Variants in RUNDC3B observed in about 807,000 individuals in gnomAD.
The protein encoded by RUNDC3B is RUN domain-containing protein 3B.
A neutral mutation model predicts 58.4 loss-of-function variants in RUNDC3B; 33 were observed. The observed-to-expected ratio is 0.56, with a 90% CI of 0.43 to 0.75. RUNDC3B has a LOEUF of 0.75. RUNDC3B is among the 30% of genes least tolerant of loss of function. The pLI is 0.00. For missense variants in RUNDC3B, 501 were observed against 535.7 expected, an observed-to-expected ratio of 0.94 and a Z score of 0.64; for synonymous variants, 193 against 195.2, an observed-to-expected ratio of 0.99 and a Z score of 0.10.
chr7:87,751,670 G>A (rs571156346), intron 6 of RUNDC3B, among the ~76,000 whole-genome samples: 2 of 151,592 alleles, frequency 1.3e-5, no homozygotes, highest in African/African-American at 4.9e-5. Context: ...CTCATGATTT[G>A]GCTCTCTGTT....
At chr7:87,702,003 C>T (rs919988345) in intron 3 of RUNDC3B, among the ~76,000 whole-genome samples, 1 of 151,490 alleles carries the variant, frequency 6.6e-6, no homozygotes, top group Non-Finnish European at 1.5e-5. Context: ...ATTAGCCAGG[C>T]GTGGTGGTGG....
chr7:87,653,412 C>T (rs1372385177), intron 2 of RUNDC3B, among the ~76,000 whole-genome samples: 1 of 152,038 alleles, frequency 6.6e-6, no homozygotes, highest in Non-Finnish European at 1.5e-5. Flanking sequence ...TACATAGTAC[C>T]ACTTCAGCTA....
chr7:87,778,825 G>A (rs973389286), intron 8 of RUNDC3B, among the ~76,000 whole-genome samples: 3 of 151,946 alleles, frequency 2.0e-5, no homozygotes, highest in Non-Finnish European at 4.4e-5. Context: ...GGCTTGCTGT[G>A]TTCAATTTTT....
intron 3 of RUNDC3B, among the ~76,000 whole-genome samples, chr7:87,700,877 TA>T (rs1427781946): frequency 6.6e-6 from 1 of 152,246 alleles, no homozygotes; most frequent in Non-Finnish European, 1.5e-5. Context: ...CAATGGTGGA[TA>T]AAACTGTTGG....
At position 87,728,542 on chromosome 7, in the gene RUNDC3B, G is replaced by A. The variant is rs545754355; in HGVS notation, c.459-11249G>A. On this transcript the variant is annotated intron_variant, in intron 4 of 10. Coordinates refer to ENST00000394654, the MANE Select transcript of RUNDC3B (RefSeq NM_001134405.2). The stretch of plus-strand genomic sequence containing the variant: ...CTCTTCCAGTTTCTAGAAGATGTAT[G>A]CATTACTTGGCTCATGGCCCTGCAA... Among the ~76,000 whole-genome samples, 159 of 152,274 alleles carry A rather than the reference G, an allele frequency of 1.0e-3. 1 individual carries two copies. Among genetic ancestry groups the A allele is most frequent in the African/African-American group, 3.7e-3 (154 of 41,574 alleles).
chr7:87,634,955 G>A (rs1299195376), intron 1 of RUNDC3B, among the ~76,000 whole-genome samples: 1 of 152,118 alleles, frequency 6.6e-6, no homozygotes, highest in East Asian at 1.9e-4. Flanking sequence ...AGACATTTCA[G>A]CATTCACAAA....
At chr7:87,754,550 T>C (rs1216944971) in intron 6 of RUNDC3B, among the ~76,000 whole-genome samples, 1 of 151,864 alleles carries the variant, frequency 6.6e-6, no homozygotes, top group Non-Finnish European at 1.5e-5. Flanking sequence ...CAAGAACAAA[T>C]GCACCCCAAA....
intron 2 of RUNDC3B, chr7:87,694,090 G>C: frequency 1.4e-6 from 2 of 1,475,822 alleles, no homozygotes; most frequent in South Asian, 2.7e-5. Context: ...CTTCTTTTTT[G>C]TGTGTTTTTG....
intron 5 of RUNDC3B, 29 bp from the exon 6 acceptor site, chr7:87,741,470 T>C: frequency 8.4e-7 from 1 of 1,184,034 alleles, no homozygotes; most frequent in South Asian, 1.6e-5. Flanking sequence ...TATATATTAA[T>C]AGGAAATATT....
intron 2 of RUNDC3B, among the ~76,000 whole-genome samples, chr7:87,675,744 C>T (rs1826290075): frequency 6.8e-6 from 1 of 147,188 alleles, no homozygotes; most frequent in South Asian, 2.2e-4. Context: ...TTATATCATA[C>T]ACAAAAATCA....
At chr7:87,808,035 G>A (rs1009416426) in intron 9 of RUNDC3B, among the ~76,000 whole-genome samples, 2 of 152,016 alleles carry the variant, frequency 1.3e-5, no homozygotes, top group Non-Finnish European at 2.9e-5. Context: ...TCCTAATGTT[G>A]AGAGAGCTGC....
intron 6 of RUNDC3B, among the ~76,000 whole-genome samples, chr7:87,757,262 T>C (rs1474816696): frequency 6.6e-6 from 1 of 152,164 alleles, no homozygotes; most frequent in African/African-American, 2.4e-5. Context: ...ATAGTTATGC[T>C]TGATTTTTAC....
intron 2 of RUNDC3B, among the ~76,000 whole-genome samples, chr7:87,675,253 A>C (rs1826210173): frequency 6.6e-6 from 1 of 152,176 alleles, no homozygotes; most frequent in Non-Finnish European, 1.5e-5. Flanking sequence ...TTCCCTCCAA[A>C]GATCTGTTCA....
intron 9 of RUNDC3B, among the ~76,000 whole-genome samples, chr7:87,809,990 G>A (rs1035107812): frequency 6.6e-6 from 1 of 152,016 alleles, no homozygotes; most frequent in Non-Finnish European, 1.5e-5. Context: ...TTTTAATAAG[G>A]AACATTAGCT....
At chr7:87,719,459 A>T (rs1369137374) in intron 4 of RUNDC3B, among the ~76,000 whole-genome samples, 2 of 151,832 alleles carry the variant, frequency 1.3e-5, no homozygotes, top group Non-Finnish European at 2.9e-5. Flanking sequence ...AACATATAAA[A>T]GTATACAAAA....
In RUNDC3B at chr7:87,703,914, G is replaced by GTT. The variant is rs35797972; in HGVS notation, c.372+3385_372+3386dup. The stretch of plus-strand genomic sequence containing the variant: ...TTTTTTTTTTTTTTTTTTTTTTTTG[G>GTT]TTTTTTTTTTTTTTTTTTTTTTTTT... On this transcript the variant is annotated intron_variant, in intron 3 of 10. Coordinates refer to ENST00000394654, the MANE Select transcript of RUNDC3B (RefSeq NM_001134405.2). 1.4e-3 allele frequency among the ~76,000 whole-genome samples: 59 copies of GTT among 42,986 alleles called. 1 individual carries two copies. Among genetic ancestry groups the GTT allele is most frequent in the South Asian group, 2.6e-3 (3 of 1,170 alleles). 28.2% of individuals were successfully genotyped at this position (42,986 alleles called of 152,430 possible). A position where few individuals can be genotyped will look rare whatever the true frequency, so the allele number is the denominator to read the frequency against.
intron 4 of RUNDC3B, among the ~76,000 whole-genome samples, chr7:87,718,495 C>T (rs555820576): frequency 2.0e-5 from 3 of 152,110 alleles, no homozygotes; most frequent in Non-Finnish European, 4.4e-5. Context: ...AATCTAAGTT[C>T]TCAGCATCAG....
In RUNDC3B at chr7:87,777,887, T is replaced by C. The variant is rs554027983; in HGVS notation, c.888T>C (p.Asp296=). ...QNKILLQRIE[D]SDLAHKLEKE... Reference sequence around the variant, plus strand: ...AAATACTACTTCAAAGGATTGAAGATTCCGATCTGGCTCATAAACTGGAGA... The same window carrying C: ...AAATACTACTTCAAAGGATTGAAGACTCCGATCTGGCTCATAAACTGGAGA... The change falls in exon 8 of 11, where the codon GAT becomes GAC. Residue 296 remains aspartate, a synonymous_variant. Coordinates refer to ENST00000394654, the MANE Select transcript of RUNDC3B (RefSeq NM_001134405.2). 114 of 1,613,524 alleles carry C rather than the reference T, an allele frequency of 7.1e-5. No individual in the cohort carries two copies. In the South Asian group the frequency reaches 1.2e-3, roughly 16 times the overall value.
intron 2 of RUNDC3B, among the ~76,000 whole-genome samples, chr7:87,663,347 C>A (rs1295881025): frequency 6.6e-6 from 1 of 152,016 alleles, no homozygotes; most frequent in Non-Finnish European, 1.5e-5. Context: ...ATTAACTAAC[C>A]ATCTCGTTGT....
Sources: allele counts gnomAD v4.1 joint callset (sites outside exome capture counted in the v4.1 genomes callset), GRCh38; gene constraint gnomAD v4.1.1; transcripts MANE v1.5; gene names NCBI Gene and HGNC (gene_info 2026-07-23, HGNC 2026-07-21).